The following FAM184B variants were observed in gnomAD, a reference collection of about 807,000 sequenced individuals.
FAM184B encodes the protein protein FAM184B.
FAM184B carries 111 observed loss-of-function variants against 135.9 expected under a neutral mutation model. The ratio of observed to expected loss-of-function variants is 0.82; its 90% CI spans 0.70 to 0.96. The LOEUF is 0.96. FAM184B is among the 40% of genes least tolerant of loss of function. The probability of loss-of-function intolerance (pLI) is 0.00; values close to 1 mark genes in which losing one functional copy is unlikely to be tolerated. For synonymous variants in FAM184B, 552 were observed against 524.8 expected, an observed-to-expected ratio of 1.05 and a Z score of -0.71; for missense variants, 1,375 against 1,323.9, an observed-to-expected ratio of 1.04 and a Z score of -0.60.
At chr4:17,777,934 C>A (rs1560199611) in intron 1 of FAM184B, among the ~76,000 whole-genome samples, 1 of 152,022 alleles carries the variant, frequency 6.6e-6, no homozygotes, top group Admixed American at 6.6e-5. Context: ...CCTGTCTCTA[C>A]AAAAAATTTT....
chr4:17,770,298 C>T (rs1038069382), intron 1 of FAM184B, among the ~76,000 whole-genome samples: 4 of 152,160 alleles, frequency 2.6e-5, no homozygotes, highest in Admixed American at 2.6e-4. Flanking sequence ...GGCCACAAGG[C>T]CAGTGCGGGC....
At chr4:17,708,639 C>T (rs1367545032) in intron 2 of FAM184B, among the ~76,000 whole-genome samples, 1 of 87,184 alleles carries the variant, frequency 1.1e-5, no homozygotes, top group Non-Finnish European at 2.2e-5. Context: ...AGTGAGGCTC[C>T]GTCTCAAAAA....
At chr4:17,757,404 A>G (rs575355176) in intron 1 of FAM184B, among the ~76,000 whole-genome samples, 1 of 152,322 alleles carries the variant, frequency 6.6e-6, no homozygotes, top group East Asian at 1.9e-4. Context: ...AGACAGAACT[A>G]CAAAACAATG....
Position 17,639,399 on chromosome 4 carries a change from G to A in FAM184B, c.2520-3C>T. On this transcript the variant is annotated splice_region_variant and splice_polypyrimidine_tract_variant and intron_variant, in intron 13 of 17. Transcript: ENST00000265018. ...CTTGCTGAGTCTCCTCCAGGAACCTGTGGTGGATGAAAGCACAGCCAGGCT... is the reference window on the plus strand; with the variant it reads ...CTTGCTGAGTCTCCTCCAGGAACCTATGGTGGATGAAAGCACAGCCAGGCT... 1 of 1,551,494 alleles carries A rather than the reference G, an allele frequency of 6.4e-7. No individual in the cohort carries two copies. The highest frequency in any genetic ancestry group is 8.7e-7 in the Non-Finnish European group (1 of 1,146,988).
intron 1 of FAM184B, among the ~76,000 whole-genome samples, chr4:17,780,558 A>G (rs1198026170): frequency 6.6e-6 from 1 of 152,080 alleles, no homozygotes; most frequent in African/African-American, 2.4e-5. Context: ...GCACGAGGTA[A>G]GGAGGTGGGC....
intron 17 of FAM184B, chr4:17,633,010 C>T (rs2108924353): frequency 6.2e-6 from 1 of 161,506 alleles, no homozygotes; most frequent in African/African-American, 2.4e-5. Flanking sequence ...CAACCTCCAG[C>T]CTCCTGCGTT....
intron 1 of FAM184B, among the ~76,000 whole-genome samples, chr4:17,713,398 C>T (rs1185740851): frequency 6.6e-6 from 1 of 152,226 alleles, no homozygotes; most frequent in Non-Finnish European, 1.5e-5. Flanking sequence ...TCCTCCCTCT[C>T]ATCACTTGGT....
At chr4:17,636,783 A>G (rs1238682527) in intron 14 of FAM184B, 138 bp from the exon 15 acceptor site, 27 of 697,610 alleles carry the variant, frequency 3.9e-5, no homozygotes, top group African/African-American at 3.6e-5. Flanking sequence ...CGGCTTGCCC[A>G]GGGCCCCCTG....
chr4:17,729,099 T>C (rs1717709467), intron 1 of FAM184B, among the ~76,000 whole-genome samples: 1 of 152,108 alleles, frequency 6.6e-6, no homozygotes, highest in African/African-American at 2.4e-5. Context: ...CAGGAGATTA[T>C]ATCCCGCACA....
At chr4:17,743,290 G>A (rs975397894) in intron 1 of FAM184B, among the ~76,000 whole-genome samples, 6 of 152,244 alleles carry the variant, frequency 3.9e-5, no homozygotes, top group African/African-American at 1.4e-4. Context: ...TGGAAAGAGG[G>A]ATGGCACCAG....
At chr4:17,766,452 G>T (rs1185242748) in intron 1 of FAM184B, among the ~76,000 whole-genome samples, 2 of 152,136 alleles carry the variant, frequency 1.3e-5, no homozygotes, top group Non-Finnish European at 2.9e-5. Context: ...AGATAAGCTA[G>T]ATACAGAGTG....
At chr4:17,732,540 T>G (rs544949552) in intron 1 of FAM184B, among the ~76,000 whole-genome samples, 1 of 152,012 alleles carries the variant, frequency 6.6e-6, no homozygotes, top group African/African-American at 2.4e-5. Context: ...AAACTACCAT[T>G]AGAGAATACT....
At chr4:17,649,830 GTCCA>G (rs1715562018) in intron 11 of FAM184B, among the ~76,000 whole-genome samples, 1 of 148,922 alleles carries the variant, frequency 6.7e-6, no homozygotes, top group African/African-American at 2.6e-5. Context: ...CTATCCACCT[GTCCA>G]TCCATCCACC....
rs530815670 is a variant in FAM184B, at chr4:17,668,803, T to C, written c.1597-4144A>G. On this transcript the variant is annotated intron_variant, in intron 7 of 17. Coordinates refer to ENST00000265018, the MANE Select transcript of FAM184B (RefSeq NM_015688.2). ...CACCTGCCTTGGCCTCCCAAAGTGC[T>C]GGGATTACAGGCATGAGCCACCGCA... 6.6e-5 allele frequency among the ~76,000 whole-genome samples: 10 copies of C among 152,388 alleles called. No homozygotes were observed. The East Asian group carries it at 1.9e-3, about 29-fold the overall frequency.
chr4:17,667,799 G>A (rs1019720834), intron 7 of FAM184B, among the ~76,000 whole-genome samples: 13 of 152,356 alleles, frequency 8.5e-5, no homozygotes, highest in Admixed American at 2.6e-4. Flanking sequence ...TGCATGCTTG[G>A]ATGCTTGAAT....
chr4:17,704,913 G>A (rs1717071919), intron 5 of FAM184B, 87 bp downstream of exon 5: 1 of 1,177,246 alleles, frequency 8.5e-7, no homozygotes, highest in Non-Finnish European at 1.2e-6. Context: ...AAATGTTTGA[G>A]GAAGAAAAGA....
At position 17,639,232 on chromosome 4, in the gene FAM184B, GC is replaced by G. The variant is rs1369443295; in HGVS notation, c.2666+17del. The G allele has an allele frequency of 5.9e-5, 92 of 1,550,870 alleles. No individual in the cohort carries two copies. Among genetic ancestry groups the G allele is most frequent in the Non-Finnish European group, 8.0e-5 (92 of 1,146,596 alleles). ...GTACATTTGCAAGACCCTCCCTGGG[GC>G]CCGAGGCCTCACTTACTCGGCTTCC... On this transcript the variant is annotated intron_variant, in intron 14 of 17. Transcript: ENST00000265018.
intron 5 of FAM184B, among the ~76,000 whole-genome samples, chr4:17,697,096 A>G (rs1716882671): frequency 1.3e-5 from 2 of 152,166 alleles, no homozygotes; most frequent in Non-Finnish European, 2.9e-5. Flanking sequence ...AGGCAGGGAA[A>G]TCATCGCACA....
chr4:17,642,123 C>CCGCGTCCTGGAGCTG lies in FAM184B; in HGVS notation c.2437_2451dup (p.Gln813_Ala817dup). The CCGCGTCCTGGAGCTG allele has an allele frequency of 6.5e-7, 1 of 1,533,276 alleles. No homozygotes were observed. Among genetic ancestry groups the CCGCGTCCTGGAGCTG allele is most frequent in the Non-Finnish European group, 8.7e-7 (1 of 1,145,400 alleles). The allele number at this position is 1,533,276 out of a possible 1,614,324, so 95.0% of individuals were successfully genotyped here. A position where few individuals can be genotyped will look rare whatever the true frequency, so the allele number is the denominator to read the frequency against. On this transcript the variant is annotated inframe_insertion, in exon 13 of 18. Coordinates refer to ENST00000265018, the MANE Select transcript of FAM184B (RefSeq NM_015688.2). ...TCCACCTCCGCGCGCAGCCGCCGCA[C>CCGCGTCCTGGAGCTG]CGCGTCCTGGAGCTGCGCGTTCTCC...
Sources: gnomAD v4.1 joint callset for allele counts (sites outside exome capture counted in the v4.1 genomes callset) on GRCh38, gnomAD v4.1.1 for gene constraint, MANE v1.5 for transcripts, NCBI Gene and HGNC (gene_info 2026-07-23, HGNC 2026-07-21) for gene names.